Variants in PIGG observed in about 807,000 individuals in gnomAD.
The protein encoded by PIGG is GPI ethanolamine phosphate transferase 2, catalytic subunit.
A neutral mutation model predicts 83.2 loss-of-function variants in PIGG; 70 were observed. That is an observed-to-expected ratio of 0.84 (90% CI 0.69 to 1.03). The LOEUF is 1.03. PIGG is among the 50% of genes least tolerant of loss of function. The pLI, the probability that PIGG is intolerant of heterozygous loss-of-function variation, is 0.00. For missense variants in PIGG, 1,257 were observed against 1,233.6 expected, an observed-to-expected ratio of 1.02 and a Z score of -0.28; for synonymous variants, 532 against 519.5, an observed-to-expected ratio of 1.02 and a Z score of -0.33.
In PIGG at chr4:523,449, C is replaced by G. The variant is rs779194923; in HGVS notation, c.1615-10C>G. ...ACCGTCTCTTACAAAGTGCACTTTC[C>G]TTTTCACAGAACCCCATGCATCCCA... On this transcript the variant is annotated splice_polypyrimidine_tract_variant and intron_variant, in intron 8 of 12. Transcript: ENST00000453061. The G allele has an allele frequency of 2.5e-6, 4 of 1,589,928 alleles. No individual in the cohort carries two copies. Among genetic ancestry groups the G allele is most frequent in the South Asian group, 2.3e-5 (2 of 88,306 alleles).
At chr4:508,202 A>C (rs1720521645) in intron 4 of PIGG, among the ~76,000 whole-genome samples, 1 of 152,188 alleles carries the variant, frequency 6.6e-6, no homozygotes, top group Admixed American at 6.5e-5. Context: ...GGGCAGGAGG[A>C]GGGGCTTTCA....
Position 521,124 on chromosome 4 carries a change from G to T in PIGG, c.1183G>T (p.Glu395Ter). ...HGNWIRLYLE[E>*]KHSEVLFNLG... The stretch of plus-strand genomic sequence containing the variant: ...GAACTGGATCAGACTGTACTTGGAG[G>T]AAAAGCATTCAGAAGTCCTATTCAA... The change falls in exon 7 of 13, where the codon GAA becomes TAA. Residue 395 changes from glutamate to a stop codon, truncating the protein, a stop_gained. Coordinates refer to ENST00000453061, the MANE Select transcript of PIGG (RefSeq NM_001127178.3). LOFTEE classifies it high-confidence loss of function. 1.2e-6 allele frequency: 2 copies of T among 1,614,154 alleles called. No individual in the cohort carries two copies. The highest frequency in any genetic ancestry group is 1.7e-6 in the Non-Finnish European group (2 of 1,179,992).
chr4:516,748 C>T (rs1290355111), intron 6 of PIGG, among the ~76,000 whole-genome samples: 1 of 149,156 alleles, frequency 6.7e-6, no homozygotes, highest in Non-Finnish European at 1.5e-5. Flanking sequence ...CCCAGCTACT[C>T]AGGAGGCTGA....
intron 5 of PIGG, among the ~76,000 whole-genome samples, chr4:511,479 A>AGCT (rs1560297915): frequency 2.0e-5 from 3 of 152,082 alleles, no homozygotes; most frequent in African/African-American, 7.2e-5. Context: ...GTGTGGATGT[A>AGCT]TATTTCCTAT....
At chr4:524,025 T>C (rs1041502748) in intron 9 of PIGG, 112 bp downstream of exon 9, 1 of 674,418 alleles carries the variant, frequency 1.5e-6, no homozygotes, top group Non-Finnish European at 2.4e-6. Context: ...AATGGGATAG[T>C]ATTTGAGATC....
At chr4:502,013 G>C (rs1165712315) in intron 2 of PIGG, 1 of 152,190 alleles carries the variant, frequency 6.6e-6, no homozygotes, top group Non-Finnish European at 1.5e-5. Context: ...AACTAGCTGT[G>C]GGAATCTGGA....
chr4:523,463 C>T lies in PIGG; in HGVS notation c.1619C>T (p.Pro540Leu), dbSNP rs1433009389. 1.4e-5 allele frequency: 23 copies of T among 1,602,286 alleles called. 1 individual carries two copies. The East Asian group carries it at 4.3e-4, about 30-fold the overall frequency. ...LVGGNTPRKN[P>L]MHPSSRWSEL... ...AGTGCACTTTCCTTTTCACAGAACC[C>T]CATGCATCCCAGCTCAAGGTGGTCA... Residue 540 changes from proline to leucine, a missense_variant, in exon 9 of 13, where the codon CCC (proline) becomes CTC (leucine). Physicochemically the swap from Pro to Leu is moderately conservative, Grantham distance 98. Coordinates refer to ENST00000453061, the MANE Select transcript of PIGG (RefSeq NM_001127178.3).
intron 11 of PIGG, 116 bp from the exon 12 acceptor site, chr4:533,702 G>A: frequency 3.3e-6 from 3 of 921,602 alleles, no homozygotes; most frequent in Non-Finnish European, 3.4e-6. Flanking sequence ...GTCCGTGCCG[G>A]CGTGGTTATC....
chr4:527,864 AGCTT>A (rs1324055480), intron 10 of PIGG: 19 of 985,340 alleles, frequency 1.9e-5, no homozygotes, highest in Non-Finnish European at 2.3e-5. Context: ...TCTGGAGGGC[AGCTT>A]GTAACATGTG....
Position 530,520 on chromosome 4 carries a change from C to A in PIGG, c.2346C>A (p.Val782=). 2 of 1,612,900 alleles carry A rather than the reference C, an allele frequency of 1.2e-6. No individual in the cohort carries two copies. The highest frequency in any genetic ancestry group is 1.7e-6 in the Non-Finnish European group (2 of 1,178,852). ...CCAAAGACTTACTTAAATCTCAAGT[C>A]ATTGCTGCAGACTTCAAACTCAAGA... is the stretch of plus-strand genomic sequence containing the variant. The part of the protein sequence containing the change: ...TGTKDLLKSQ[V]IAADFKLKTV... Residue 782 remains valine, a synonymous_variant, in exon 11 of 13, where the codon GTC becomes GTA. Transcript: ENST00000453061.
At position 528,093 on chromosome 4, in the gene PIGG, G is replaced by T. The variant is rs913466690; in HGVS notation, c.2261+863G>T. The T allele has an allele frequency of 1.0e-6, 1 of 985,302 alleles. No homozygotes were observed. Among genetic ancestry groups the T allele is most frequent in the Non-Finnish European group, 1.2e-6 (1 of 829,880 alleles). 61.0% of individuals were successfully genotyped at this position (985,302 alleles called of 1,614,324 possible). A position where few individuals can be genotyped will look rare whatever the true frequency, so the allele number is the denominator to read the frequency against. On this transcript the variant is annotated intron_variant, in intron 10 of 12. Transcript: ENST00000453061. This position sits in a 1 kb window ranked among gnomAD's most constrained non-coding sequence, Gnocchi z 4.8. The stretch of plus-strand genomic sequence containing the variant: ...GACAGTGACCGTCCCAGTGAGGTCG[G>T]TGCTCTGATAGTGACCCTCTCAGTG...
chr4:522,247 C>A, intron 8 of PIGG: 2 of 580,054 alleles, frequency 3.4e-6, no homozygotes, highest in Non-Finnish European at 6.2e-6. Context: ...AGGAACAAGC[C>A]CCCCCGCTGA....
chr4:507,803 A>G (rs973240916), intron 4 of PIGG, among the ~76,000 whole-genome samples: 20 of 151,892 alleles, frequency 1.3e-4, no homozygotes, highest in Admixed American at 6.6e-4. Context: ...AGCAGCTCTC[A>G]CTCCTACCCG....
chr4:528,019 T>C lies in PIGG; in HGVS notation c.2261+789T>C, dbSNP rs536105211. 14 of 985,342 alleles carry C rather than the reference T, an allele frequency of 1.4e-5. No individual in the cohort carries two copies. In the South Asian group the frequency reaches 5.2e-4, roughly 36 times the overall value. The allele number at this position is 985,342 out of a possible 1,614,324, so 61.0% of individuals were successfully genotyped here. A position where few individuals can be genotyped will look rare whatever the true frequency, so the allele number is the denominator to read the frequency against. ...TCCTTGCAAAAAGGAACAACCAGGG[T>C]AATTATCCAGCAGCAATACAGTGAT... On this transcript the variant is annotated intron_variant, in intron 10 of 12. Coordinates refer to ENST00000453061, the MANE Select transcript of PIGG (RefSeq NM_001127178.3). This position sits in a 1 kb window ranked among gnomAD's most constrained non-coding sequence, Gnocchi z 4.8.
In PIGG at chr4:523,623, C is replaced by G. The variant is rs982215357; in HGVS notation, c.1779C>G (p.Thr593=). ...NTLCLALSQE[T]YRNYFLGDDG... ...TGTGTCTAGCTCTGAGCCAAGAAACCTACAGAAACTACTTTCTGGGAGATG... is the reference window on the plus strand; with the variant it reads ...TGTGTCTAGCTCTGAGCCAAGAAACGTACAGAAACTACTTTCTGGGAGATG... Residue 593 remains threonine, a synonymous_variant, in exon 9 of 13, where the codon ACC becomes ACG. Coordinates refer to ENST00000453061, the MANE Select transcript of PIGG (RefSeq NM_001127178.3). 1.2e-6 allele frequency: 2 copies of G among 1,614,198 alleles called. No individual in the cohort carries two copies. Among genetic ancestry groups the G allele is most frequent in the East Asian group, 4.5e-5 (2 of 44,878 alleles).
Position 499,253 on chromosome 4 carries a change from G to C in PIGG, c.-83G>C. On this transcript the variant is annotated 5_prime_UTR_variant, in exon 1 of 13. Coordinates refer to ENST00000453061, the MANE Select transcript of PIGG (RefSeq NM_001127178.3). ...AGGCCTGGCGTTATTGCTTAGAGGC[G>C]GCTACCTGGAGCCGGAAGCGCGGCT... The C allele has an allele frequency of 2.7e-6, 4 of 1,471,210 alleles. No homozygotes were observed. Among genetic ancestry groups the C allele is most frequent in the Non-Finnish European group, 3.7e-6 (4 of 1,082,944 alleles). 91.1% of individuals were successfully genotyped at this position (1,471,210 alleles called of 1,614,324 possible). A position where few individuals can be genotyped will look rare whatever the true frequency, so the allele number is the denominator to read the frequency against.
intron 3 of PIGG, 109 bp downstream of exon 3, chr4:506,036 A>G: frequency 1.3e-6 from 1 of 754,406 alleles, no homozygotes; most frequent in Non-Finnish European, 2.2e-6. Flanking sequence ...TGGTTTTATT[A>G]ATTTATAGGG....
At chr4:511,918 C>T (rs183532716) in intron 5 of PIGG, among the ~76,000 whole-genome samples, 145 of 152,252 alleles carry the variant, frequency 9.5e-4, no homozygotes, top group East Asian at 7.1e-3. Flanking sequence ...GCTGTCTCAC[C>T]GCCTTCTGGC....
At chr4:521,991 T>G (rs1250830921) in intron 8 of PIGG, 50 bp downstream of exon 8, 2 of 1,593,948 alleles carry the variant, frequency 1.3e-6, no homozygotes, top group Non-Finnish European at 1.7e-6. Context: ...CTGCTCAGGT[T>G]GTTCTTGTTA....
Sources: gnomAD v4.1 joint callset for allele counts (sites outside exome capture counted in the v4.1 genomes callset) on GRCh38, gnomAD v4.1.1 for gene constraint, Gnocchi (gnomAD v3.1) non-coding constraint, MANE v1.5 for transcripts, NCBI Gene and HGNC (gene_info 2026-07-23, HGNC 2026-07-21) for gene names.